Variants in CALCR observed in about 807,000 individuals in gnomAD.
CALCR encodes calcitonin receptor.
CALCR carries 47 observed loss-of-function variants against 59.5 expected under a neutral mutation model. That is an observed-to-expected ratio of 0.79 (90% confidence interval 0.63 to 1.01). CALCR has a LOEUF of 1.01. Among genes scored for constraint, CALCR ranks in the 50% least tolerant of loss-of-function variants. The pLI is 0.00. For synonymous variants in CALCR, 213 were observed against 211.3 expected, an observed-to-expected ratio of 1.01 and a Z score of -0.07; for missense variants, 566 against 597.1, an observed-to-expected ratio of 0.95 and a Z score of 0.54.
In CALCR at chr7:93,426,498, G is replaced by A; in HGVS notation, c.1283C>T (p.Ala428Val). The A allele has an allele frequency of 6.2e-7, 1 of 1,613,900 alleles. No individual in the cohort carries two copies. The highest frequency in any genetic ancestry group is 8.5e-7 in the Non-Finnish European group (1 of 1,179,806). The change falls in exon 14 of 14, where the codon GCT becomes GTT. Residue 428 changes from alanine (A) to valine (V), a missense_variant. Transcript: ENST00000426151. Reference protein sequence around the residue: ...GRRPSNRSARAAAAAAEAGDI... With the variant: ...GRRPSNRSARVAAAAAEAGDI... ...GCCAGCCTCCGCAGCAGCGGCTGCA[G>A]CGCGAGCAGAGCGGTTGGAGGGGCG...
chr7:93,475,872 C>G (rs1425157610), intron 5 of CALCR, among the ~76,000 whole-genome samples: 1 of 151,852 alleles, frequency 6.6e-6, no homozygotes, highest in Non-Finnish European at 1.5e-5. Flanking sequence ...TTTCCGCTAA[C>G]AGCCTGGAGA....
At chr7:93,561,895 C>G (rs34921807) in intron 2 of CALCR, among the ~76,000 whole-genome samples, 43,872 of 151,524 alleles carry the variant, frequency 0.29, 7,641 homozygotes, top group Non-Finnish European at 0.39. Context: ...GACGGTGATT[C>G]AGACCGTGAG....
At chr7:93,434,594 G>GA (rs74532696) in intron 12 of CALCR, among the ~76,000 whole-genome samples, 2,262 of 146,836 alleles carry the variant, frequency 0.015, 41 homozygotes, top group African/African-American at 0.045. Context: ...TGGTGAATTT[G>GA]AAAAAAAAAA....
chr7:93,534,262 A>G (rs1019000697), intron 2 of CALCR, among the ~76,000 whole-genome samples: 2 of 151,864 alleles, frequency 1.3e-5, no homozygotes, highest in African/African-American at 4.8e-5. Context: ...GATATGTATT[A>G]TTATCTCCAG....
chr7:93,521,053 T>A (rs945990701), intron 2 of CALCR, among the ~76,000 whole-genome samples: 17 of 152,258 alleles, frequency 1.1e-4, no homozygotes, highest in Middle Eastern at 3.4e-3. Context: ...TCCTTCCCTA[T>A]GTTTCACAGC....
At chr7:93,441,499 C>T (rs2106735) in intron 9 of CALCR, 107,363 of 453,238 alleles carry the variant, frequency 0.24, 13,879 homozygotes, top group Non-Finnish European at 0.28. Flanking sequence ...GGTGTACATA[C>T]GGATGAGAAG....
At chr7:93,519,456 A>G (rs1336008640) in intron 2 of CALCR, among the ~76,000 whole-genome samples, 2 of 152,100 alleles carry the variant, frequency 1.3e-5, no homozygotes, top group Non-Finnish European at 2.9e-5. Context: ...TTGTACAATT[A>G]GGTAAATGAT....
chr7:93,429,655 T>C (rs1799605699), intron 13 of CALCR, among the ~76,000 whole-genome samples: 1 of 152,142 alleles, frequency 6.6e-6, no homozygotes, highest in South Asian at 2.1e-4. Context: ...TGGATTTGAA[T>C]GTTTTTGTCT....
chr7:93,515,273 G>C (rs1423679658), intron 2 of CALCR, among the ~76,000 whole-genome samples: 1 of 151,962 alleles, frequency 6.6e-6, no homozygotes, highest in South Asian at 2.1e-4. Flanking sequence ...CAGAAAATTT[G>C]TAGGAGTTCT....
intron 2 of CALCR, among the ~76,000 whole-genome samples, chr7:93,539,625 T>C (rs1185676661): frequency 6.6e-6 from 1 of 152,108 alleles, no homozygotes; most frequent in Non-Finnish European, 1.5e-5. Context: ...TAGGGTTATA[T>C]CCCAGCTCTG....
intron 2 of CALCR, among the ~76,000 whole-genome samples, chr7:93,564,460 T>TAAA (rs899378626): frequency 6.8e-6 from 1 of 146,224 alleles, no homozygotes; most frequent in Non-Finnish European, 1.5e-5. Context: ...ACTACACTTT[T>TAAA]AAAAAAAAAA....
At chr7:93,554,774 T>TA (rs1424962230) in intron 2 of CALCR, among the ~76,000 whole-genome samples, 1 of 115,496 alleles carries the variant, frequency 8.7e-6, no homozygotes, top group Admixed American at 8.4e-5. Context: ...GCCATGTATA[T>TA]ATATATATAT....
chr7:93,562,471 C>T (rs1375728175), intron 2 of CALCR, among the ~76,000 whole-genome samples: 2 of 152,104 alleles, frequency 1.3e-5, no homozygotes, highest in East Asian at 3.9e-4. Flanking sequence ...ATTAATAAAA[C>T]ACCTCCAGCT....
chr7:93,551,390 C>G (rs1413380248), intron 2 of CALCR, among the ~76,000 whole-genome samples: 2 of 152,188 alleles, frequency 1.3e-5, no homozygotes, highest in Non-Finnish European at 2.9e-5. Flanking sequence ...ACTCATTTGA[C>G]AAGCGATGTC....
chr7:93,447,738 A>G (rs1212658382), intron 8 of CALCR, among the ~76,000 whole-genome samples: 1 of 151,990 alleles, frequency 6.6e-6, no homozygotes, highest in Non-Finnish European at 1.5e-5. Flanking sequence ...CTATCTTGCC[A>G]TTCAGAATGC....
chr7:93,504,381 A>G (rs1801382978), intron 2 of CALCR, among the ~76,000 whole-genome samples: 1 of 152,232 alleles, frequency 6.6e-6, no homozygotes, highest in Non-Finnish European at 1.5e-5. Context: ...CCCTGACTGC[A>G]AAGTAATAGA....
Position 93,486,921 on chromosome 7 carries a change from T to A in CALCR, c.51+10A>T, listed in dbSNP as rs1800957267. On this transcript the variant is annotated intron_variant, in intron 3 of 13. Transcript: ENST00000426151. ...ATTAGCATGGCTTTGAATACTTTTG[T>A]TTTACTTACATTTAGAAGAAGAAAC... 1.3e-6 allele frequency: 2 copies of A among 1,537,286 alleles called. No homozygotes were observed. The highest frequency in any genetic ancestry group is 1.8e-6 in the Non-Finnish European group (2 of 1,115,576).
At chr7:93,515,064 T>A (rs1801621748) in intron 2 of CALCR, among the ~76,000 whole-genome samples, 1 of 152,038 alleles carries the variant, frequency 6.6e-6, no homozygotes, top group South Asian at 2.1e-4. Flanking sequence ...TCTTCAAGTG[T>A]TTCTGACATC....
chr7:93,546,626 A>C (rs1789295949), intron 2 of CALCR, among the ~76,000 whole-genome samples: 1 of 149,636 alleles, frequency 6.7e-6, no homozygotes, highest in Non-Finnish European at 1.5e-5. Context: ...ATCACAGCTC[A>C]CTGCAGCCTC....
Sources: allele counts gnomAD v4.1 joint callset (sites outside exome capture counted in the v4.1 genomes callset), GRCh38; gene constraint gnomAD v4.1.1; transcripts MANE v1.5; gene names NCBI Gene and HGNC (gene_info 2026-07-23, HGNC 2026-07-21).